DNAH9: variants seen among roughly 807,000 people sequenced by gnomAD.
The protein encoded by DNAH9 is dynein axonemal heavy chain 9.
A neutral mutation model predicts 471.6 loss-of-function variants in DNAH9; 345 were observed. The ratio of observed to expected loss-of-function variants is 0.73; its 90% CI spans 0.67 to 0.80. DNAH9 has a LOEUF of 0.80. Among genes scored for constraint, DNAH9 ranks in the 30% least tolerant of loss-of-function variants. DNAH9 has a pLI of 0.00. For synonymous variants in DNAH9, 2,093 were observed against 2,123.6 expected (o/e 0.99, Z 0.40); for missense variants, 5,407 against 5,609.2 (o/e 0.96, Z 1.15).
intron 26 of DNAH9, among the ~76,000 whole-genome samples, chr17:11,707,902 ACT>A (rs931878663): frequency 6.9e-6 from 1 of 145,848 alleles, no homozygotes; most frequent in Admixed American, 6.9e-5. Context: ...CTTTTGTTCT[ACT>A]CTCTGTCCTC....
At chr17:11,957,049 CAAA>C (rs919623249) in intron 67 of DNAH9, among the ~76,000 whole-genome samples, 1 of 151,166 alleles carries the variant, frequency 6.6e-6, no homozygotes, top group Non-Finnish European at 1.5e-5. Context: ...AAAGAAAAAA[CAAA>C]AACTTGAAAA....
chr17:11,954,824 G>A, intron 67 of DNAH9, among the ~76,000 whole-genome samples: 1 of 149,464 alleles, frequency 6.7e-6, no homozygotes. Context: ...GAAAGAAAAT[G>A]ATATATGGAA....
chr17:11,892,033 A>G lies in DNAH9; in HGVS notation c.11283+86A>G. 2.1e-6 allele frequency: 3 copies of G among 1,459,690 alleles called. No individual in the cohort carries two copies. The highest frequency in any genetic ancestry group is 2.8e-6 in the Non-Finnish European group (3 of 1,058,380). The allele number at this position is 1,459,690 out of a possible 1,614,324, so 90.4% of individuals were successfully genotyped here. ...TGTTAAGAAACTTTCTTCTTTGAAC[A>G]TCACTTTCCACAGCATGTCCAGACT... On this transcript the variant is annotated intron_variant, in intron 58 of 68. Coordinates refer to ENST00000262442, the MANE Select transcript of DNAH9 (RefSeq NM_001372.4). The surrounding 1 kb of genome is among the most constrained non-coding windows in gnomAD (Gnocchi z 4.3).
At chr17:11,743,705 T>C (rs1170026312) in intron 30 of DNAH9, among the ~76,000 whole-genome samples, 1 of 152,210 alleles carries the variant, frequency 6.6e-6, no homozygotes, top group Non-Finnish European at 1.5e-5. Context: ...TTTTCGTCTG[T>C]GCCTGACTGA....
At chr17:11,794,309 G>A (rs953962406) in intron 42 of DNAH9, among the ~76,000 whole-genome samples, 7 of 152,174 alleles carry the variant, frequency 4.6e-5, no homozygotes, top group East Asian at 1.9e-4. Flanking sequence ...TGATCCACCC[G>A]CCTCGGCCTC....
chr17:11,598,816 C>CGGGCCCGAGCCTCCA lies in DNAH9; in HGVS notation c.327_341dup (p.Glu109_Pro113dup), dbSNP rs1267703489. The CGGGCCCGAGCCTCCA allele has an allele frequency of 2.2e-5, 33 of 1,487,298 alleles. No individual in the cohort carries two copies. The highest frequency in any genetic ancestry group is 2.8e-5 in the Non-Finnish European group (32 of 1,123,226). The allele number at this position is 1,487,298 out of a possible 1,614,324, so 92.1% of individuals were successfully genotyped here. A position where few individuals can be genotyped will look rare whatever the true frequency, so the allele number is the denominator to read the frequency against. On this transcript the variant is annotated inframe_insertion, in exon 1 of 69. Coordinates refer to ENST00000262442, the MANE Select transcript of DNAH9 (RefSeq NM_001372.4). ...CTAAGGCGCTTTTTTTCCTTCGCAC[C>CGGGCCCGAGCCTCCA]GGGCCCGAGCCTCCAGGGCCCGACA...
intron 41 of DNAH9, among the ~76,000 whole-genome samples, chr17:11,787,940 C>G (rs1456586056): frequency 6.6e-6 from 1 of 152,210 alleles, no homozygotes; most frequent in Non-Finnish European, 1.5e-5. Flanking sequence ...TCCAATGAAA[C>G]CCCTTTTCCT....
intron 62 of DNAH9, among the ~76,000 whole-genome samples, chr17:11,929,333 C>T (rs756259211): frequency 3.9e-5 from 6 of 152,072 alleles, no homozygotes; most frequent in South Asian, 2.1e-4. Context: ...CGTGCCTGGC[C>T]GTGTTACACT....
chr17:11,833,392 A>G (rs887410670), intron 48 of DNAH9, among the ~76,000 whole-genome samples: 3 of 152,244 alleles, frequency 2.0e-5, no homozygotes, highest in Admixed American at 1.3e-4. Context: ...CAAGAAAGTC[A>G]GCCACCATTA....
chr17:11,757,110 T>TG (rs1243799824), intron 34 of DNAH9, among the ~76,000 whole-genome samples: 3 of 151,964 alleles, frequency 2.0e-5, no homozygotes, highest in Non-Finnish European at 4.4e-5. Context: ...AGGTGAGGGT[T>TG]GGGGGGCAGG....
At chr17:11,956,010 C>T (rs1327681842) in intron 67 of DNAH9, among the ~76,000 whole-genome samples, 1 of 152,224 alleles carries the variant, frequency 6.6e-6, no homozygotes, top group African/African-American at 2.4e-5. Flanking sequence ...ATGCCAGCCA[C>T]AGGCCAACCT....
chr17:11,795,471 C>T (rs1447506203), intron 42 of DNAH9, among the ~76,000 whole-genome samples: 3 of 152,316 alleles, frequency 2.0e-5, no homozygotes, highest in East Asian at 1.9e-4. Context: ...GATCTTGACT[C>T]TACCTCTGAA....
chr17:11,602,328 G>T (rs1056331903), intron 1 of DNAH9, among the ~76,000 whole-genome samples: 2 of 152,162 alleles, frequency 1.3e-5, no homozygotes, highest in Admixed American at 1.3e-4. Context: ...TAAAGGATGA[G>T]AATTCTTGTC....
At chr17:11,883,511 C>T in intron 55 of DNAH9, 75 bp from the exon 56 acceptor site, 1 of 1,539,806 alleles carries the variant, frequency 6.5e-7, no homozygotes, top group Non-Finnish European at 8.8e-7. Flanking sequence ...GGGACTCTCG[C>T]CCTATTCAGA....
intron 66 of DNAH9, among the ~76,000 whole-genome samples, chr17:11,938,192 C>T (rs573859751): frequency 6.6e-6 from 1 of 151,986 alleles, no homozygotes; most frequent in East Asian, 1.9e-4. Flanking sequence ...AAAGAATGGG[C>T]CTCACACCTG....
chr17:11,898,390 G>A (rs937629725), intron 59 of DNAH9, among the ~76,000 whole-genome samples: 3 of 152,108 alleles, frequency 2.0e-5, no homozygotes, highest in African/African-American at 7.2e-5. Flanking sequence ...CAAAGTGCTG[G>A]GATTACAGGC....
intron 59 of DNAH9, among the ~76,000 whole-genome samples, chr17:11,898,173 G>A (rs1265351788): frequency 1.3e-5 from 2 of 150,132 alleles, no homozygotes; most frequent in Non-Finnish European, 3.0e-5. Context: ...TCGCCAGGCT[G>A]GAGTGCAGTG....
rs1973069414 is a variant in DNAH9, at chr17:11,892,044, C to T, written c.11283+97C>T. 1.5e-6 allele frequency: 2 copies of T among 1,369,956 alleles called. No homozygotes were observed. Among genetic ancestry groups the T allele is most frequent in the East Asian group, 2.3e-5 (1 of 43,522 alleles). 84.9% of individuals were successfully genotyped at this position (1,369,956 alleles called of 1,614,324 possible). On this transcript the variant is annotated intron_variant, in intron 58 of 68. Coordinates refer to ENST00000262442, the MANE Select transcript of DNAH9 (RefSeq NM_001372.4). This position sits in a 1 kb window ranked among gnomAD's most constrained non-coding sequence, Gnocchi z 4.3. ...TTTCTTCTTTGAACATCACTTTCCA[C>T]AGCATGTCCAGACTATCTGTCTTTG...
intron 61 of DNAH9, among the ~76,000 whole-genome samples, chr17:11,912,158 CA>C (rs1244663901): frequency 6.6e-6 from 1 of 152,142 alleles, no homozygotes; most frequent in East Asian, 1.9e-4. Flanking sequence ...GCTGGAACTA[CA>C]GGTACACGCC....
Sources: allele counts gnomAD v4.1 joint callset (sites outside exome capture counted in the v4.1 genomes callset), GRCh38; gene constraint gnomAD v4.1.1; non-coding constraint Gnocchi (gnomAD v3.1); transcripts MANE v1.5; gene names NCBI Gene and HGNC (gene_info 2026-07-23, HGNC 2026-07-21).